Variants in STEAP3 observed in about 807,000 individuals in gnomAD.
The protein encoded by STEAP3 is metalloreductase STEAP3.
STEAP3 carries 35 observed loss-of-function variants against 34.9 expected under a neutral mutation model. That is an observed-to-expected ratio of 1.00 (90% CI 0.76 to 1.33). STEAP3 has a LOEUF of 1.33. Ranked by LOEUF, STEAP3 falls within the 40% of genes most tolerant of loss-of-function variation. The probability of loss-of-function intolerance (pLI) is 0.00; values close to 1 mark genes in which losing one functional copy is unlikely to be tolerated. For synonymous variants in STEAP3, 281 were observed against 301.6 expected, an observed-to-expected ratio of 0.93 and a Z score of 0.71; for missense variants, 652 against 667.6, an observed-to-expected ratio of 0.98 and a Z score of 0.26.
chr2:119,228,980 C>T (rs1241719513), intron 1 of STEAP3, among the ~76,000 whole-genome samples: 5 of 152,162 alleles, frequency 3.3e-5, no homozygotes, highest in African/African-American at 1.2e-4. Flanking sequence ...CCTCACAGTG[C>T]AGCTTCTCCA....
intron 4 of STEAP3, among the ~76,000 whole-genome samples, chr2:119,252,711 G>A (rs2104835286): frequency 6.6e-6 from 1 of 152,258 alleles, no homozygotes; most frequent in Non-Finnish European, 1.5e-5. Flanking sequence ...ACAACACTGT[G>A]GTTTAATAGG....
At chr2:119,233,496 C>G (rs1677004786) in intron 2 of STEAP3, among the ~76,000 whole-genome samples, 1 of 152,196 alleles carries the variant, frequency 6.6e-6, no homozygotes, top group Non-Finnish European at 1.5e-5. Flanking sequence ...AGAGCCCCAG[C>G]TAGGTTCTGG....
intron 5 of STEAP3, 91 bp downstream of exon 5, chr2:119,254,939 C>T: frequency 1.4e-6 from 2 of 1,458,068 alleles, no homozygotes; most frequent in Non-Finnish European, 1.9e-6. Context: ...ACTGCCTGGG[C>T]TCTGATCATC....
Position 119,245,589 on chromosome 2 carries a change from G to T in STEAP3, c.123G>T (p.Val41=). ...AGGTCCCCGATGAGGCCCCCAAAGT[G>T]GGCATCCTGGGTAGCGGGGACTTTG... ...LAKVPDEAPK[V]GILGSGDFAR... Residue 41 remains valine (V), a synonymous_variant, in exon 3 of 6, where the codon GTG becomes GTT. Coordinates refer to ENST00000393110, the MANE Select transcript of STEAP3 (RefSeq NM_182915.3). The T allele has an allele frequency of 1.9e-6, 3 of 1,607,242 alleles. No homozygotes were observed. The South Asian group carries it at 3.3e-5, about 18-fold the overall frequency.
intron 3 of STEAP3, 184 bp downstream of exon 3, chr2:119,246,172 A>T (rs780028637): frequency 1.5e-5 from 13 of 859,614 alleles, no homozygotes; most frequent in Non-Finnish European, 2.1e-5. Flanking sequence ...AAAATTCCAT[A>T]GCTGGTAAGT....
rs548299473 is a variant in STEAP3, at chr2:119,225,809, T to C, written c.-394+1921T>C. On this transcript the variant is annotated intron_variant, in intron 1 of 5. Coordinates refer to ENST00000393110, the MANE Select transcript of STEAP3 (RefSeq NM_182915.3). ...CCGTAACATGAAGCCCTCAGCTCTC[T>C]GAACCTCTGTTTATTTGCAAAACCT... Among the ~76,000 whole-genome samples the C allele has an allele frequency of 2.6e-5, 4 of 152,382 alleles. No individual in the cohort carries two copies. The South Asian group carries it at 6.2e-4, about 24-fold the overall frequency.
intron 5 of STEAP3, among the ~76,000 whole-genome samples, chr2:119,258,414 A>G (rs1431552629): frequency 4.0e-5 from 6 of 151,824 alleles, no homozygotes; most frequent in African/African-American, 1.5e-4. Context: ...TCTCAGCCTC[A>G]TTTTACCCAG....
rs751663398 is a variant in STEAP3 at position 119,245,722 on chromosome 2, T to C, written c.256T>C (p.Phe86Leu). 1.2e-6 allele frequency: 2 copies of C among 1,614,212 alleles called. No individual in the cohort carries two copies. Among genetic ancestry groups the C allele is most frequent in the Admixed American group, 3.3e-5 (2 of 60,028 alleles). ...RLFPSAAQVT[F>L]QEEAVSSPEV... ...GTTTCCCTCAGCGGCCCAAGTGACTTTCCAAGAGGAGGCAGTGAGCTCCCC... is the reference window on the plus strand; with the variant it reads ...GTTTCCCTCAGCGGCCCAAGTGACTCTCCAAGAGGAGGCAGTGAGCTCCCC... Residue 86 changes from phenylalanine (F) to leucine (L), a missense_variant, in exon 3 of 6, where the codon TTC becomes CTC. Physicochemically the swap from Phe to Leu is conservative, Grantham distance 22 (BLOSUM62 0). Coordinates refer to ENST00000393110, the MANE Select transcript of STEAP3 (RefSeq NM_182915.3).
chr2:119,232,354 T>TTATA (rs773292687), intron 2 of STEAP3, among the ~76,000 whole-genome samples: 6 of 152,148 alleles, frequency 3.9e-5, no homozygotes, highest in Non-Finnish European at 8.8e-5. Flanking sequence ...GTAGAAGGAA[T>TTATA]TATAGCCTTC....
At chr2:119,262,157 C>T (rs929266011) in intron 5 of STEAP3, among the ~76,000 whole-genome samples, 12 of 152,164 alleles carry the variant, frequency 7.9e-5, no homozygotes, top group African/African-American at 1.9e-4. Context: ...GCCAAATCCA[C>T]GTGCCATCTG....
At position 119,254,683 on chromosome 2, in the gene STEAP3, G is replaced by A. The variant is rs774603994; in HGVS notation, c.1051-1G>A. Reference sequence around the variant, plus strand: ...CATGGTTTTCCTTCCATCCATGTCAGGTCTTGGCCAACAAGAGCCACCTCT... The same window carrying A: ...CATGGTTTTCCTTCCATCCATGTCAAGTCTTGGCCAACAAGAGCCACCTCT... On this transcript the variant is annotated splice_acceptor_variant, in intron 4 of 5. Transcript: ENST00000393110. LOFTEE classifies it high-confidence loss of function. 2.2e-5 allele frequency: 36 copies of A among 1,614,004 alleles called. No homozygotes were observed. Among genetic ancestry groups the A allele is most frequent in the Non-Finnish European group, 2.9e-5 (34 of 1,180,012 alleles).
chr2:119,241,499 T>G lies in STEAP3; in HGVS notation c.23-3990T>G, dbSNP rs563393414. 2.0e-5 allele frequency among the ~76,000 whole-genome samples: 3 copies of G among 152,338 alleles called. No homozygotes were observed. In the East Asian group the frequency reaches 5.8e-4, roughly 29 times the overall value. ...GAGGTGCTTAACGTTTAGTTTGCAT[T>G]TATCCTACCGCTGAAAAGCAGGGAC... On this transcript the variant is annotated intron_variant, in intron 2 of 5. Transcript: ENST00000393110.
rs765448684 is a variant in STEAP3, at chr2:119,263,211, C to A, written c.1370C>A (p.Ala457Asp). The A allele has an allele frequency of 3.1e-6, 5 of 1,614,078 alleles. No homozygotes were observed. The African/African-American group carries it at 6.7e-5, about 22-fold the overall frequency. Residue 457 changes from alanine (A) to aspartate (D), a missense_variant, in exon 6 of 6, where the codon GCC becomes GAC. Transcript: ENST00000393110. The part of the protein sequence containing the change: ...LVPCVVILAK[A>D]LFLLPCISRR... ...CCCTGCGTCGTCATCCTGGCCAAAG[C>A]CCTGTTTCTCCTGCCCTGCATCAGC...
Position 119,226,863 on chromosome 2 carries a change from G to T in STEAP3, c.-394+2975G>T, listed in dbSNP as rs115803326. On this transcript the variant is annotated intron_variant, in intron 1 of 5. Coordinates refer to ENST00000393110, the MANE Select transcript of STEAP3 (RefSeq NM_182915.3). ...CATTTGTACCTGGAGACTCTTAGGA[G>T]GTCGATAATGTTATTCTCCCAACCA... Among the ~76,000 whole-genome samples the T allele has an allele frequency of 5.8e-3, 880 of 152,210 alleles. 6 individuals are homozygous for T. The highest frequency in any genetic ancestry group is 0.02 in the African/African-American group (833 of 41,518).
rs201322197 is a variant in STEAP3 at position 119,248,081 on chromosome 2, C to T, written c.925C>T (p.Leu309=). ...CTTCCCCGACTGGCTGGACCACTGGCTACAGCACCGCAAGCAGATCGGGCT... is the reference window on the plus strand; with the variant it reads ...CTTCCCCGACTGGCTGGACCACTGGTTACAGCACCGCAAGCAGATCGGGCT... ...QRFPDWLDHW[L]QHRKQIGLLS... is the part of the protein sequence containing the mutation. Residue 309 remains leucine, a synonymous_variant, in exon 4 of 6, where the codon CTA becomes TTA. Transcript: ENST00000393110. 2 of 1,608,496 alleles carry T rather than the reference C, an allele frequency of 1.2e-6. No individual in the cohort carries two copies. Among genetic ancestry groups the T allele is most frequent in the East Asian group, 4.5e-5 (2 of 44,864 alleles).
intron 2 of STEAP3, among the ~76,000 whole-genome samples, chr2:119,231,859 G>A (rs1676949404): frequency 6.6e-6 from 1 of 152,196 alleles, no homozygotes; most frequent in Admixed American, 6.5e-5. Flanking sequence ...AATTAGATGT[G>A]TGTGGCTATA....
intron 4 of STEAP3, among the ~76,000 whole-genome samples, chr2:119,249,523 C>T (rs1677558809): frequency 6.6e-6 from 1 of 152,194 alleles, no homozygotes; most frequent in Non-Finnish European, 1.5e-5. Flanking sequence ...TGAGACACTT[C>T]TCATCCACCC....
In STEAP3 at chr2:119,257,861, G is replaced by A. The variant is rs370164656; in HGVS notation, c.1215+3013G>A. On this transcript the variant is annotated intron_variant, in intron 5 of 5. Coordinates refer to ENST00000393110, the MANE Select transcript of STEAP3 (RefSeq NM_182915.3). The stretch of plus-strand genomic sequence containing the variant: ...CTGTAATGCTTTTGTTACCGGAAAA[G>A]GGTCCCGATCCAGACCCCAAGAGAG... The A allele has an allele frequency of 2.2e-4, 100 of 444,492 alleles. 2 individuals are homozygous for A. In the East Asian group the frequency reaches 1.0e-2, roughly 44 times the overall value. The allele number at this position is 444,492 out of a possible 1,614,324, so 27.5% of individuals were successfully genotyped here. A position where few individuals can be genotyped will look rare whatever the true frequency, so the allele number is the denominator to read the frequency against.
rs111802909 is a variant in STEAP3, at chr2:119,264,314, C to A, written c.*976C>A. 575 of 152,572 alleles carry A rather than the reference C, an allele frequency of 3.8e-3. 10 individuals carry two copies. Among genetic ancestry groups the A allele is most frequent in the Non-Finnish European group, 2.4e-3 (162 of 68,038 alleles). The allele number at this position is 152,572 out of a possible 1,614,324, so 9.5% of individuals were successfully genotyped here. On this transcript the variant is annotated 3_prime_UTR_variant, in exon 6 of 6. Coordinates refer to ENST00000393110, the MANE Select transcript of STEAP3 (RefSeq NM_182915.3). ...AGCTCCCCGGGCGTCAGAGTTGAGC[C>A]CTGCCTGGGCTGAAGGACTGTCTTC...
Sources: allele counts gnomAD v4.1 joint callset (sites outside exome capture counted in the v4.1 genomes callset), GRCh38; gene constraint gnomAD v4.1.1; transcripts MANE v1.5; gene names NCBI Gene and HGNC (gene_info 2026-07-23, HGNC 2026-07-21).